Variants in BLTP1 observed in about 807,000 individuals in gnomAD.
BLTP1 encodes the protein bridge-like lipid transfer protein family member 1.
the BLTP1 span, among the ~76,000 whole-genome samples, chr4:122,169,098 C>T: frequency 5.3e-5 from 8 of 152,136 alleles, no homozygotes; most frequent in Non-Finnish European, 5.9e-5. Flanking sequence ...CAGGTGCACA[C>T]CACCATGCCT....
At chr4:122,165,696 A>C in the BLTP1 span, among the ~76,000 whole-genome samples, 1 of 128,526 alleles carries the variant, frequency 7.8e-6, no homozygotes, top group Non-Finnish European at 1.7e-5. Flanking sequence ...CCAACAGTGT[A>C]AAAGTGTTCC....
At chr4:122,354,166 T>C in the BLTP1 span, 1 of 669,946 alleles carries the variant, frequency 1.5e-6, no homozygotes, top group African/African-American at 1.8e-5. Context: ...GTAATAATTA[T>C]TTAATACCAC....
chr4:122,175,930 T>G, the BLTP1 span: 53 of 1,155,956 alleles, frequency 4.6e-5, no homozygotes, highest in Non-Finnish European at 6.5e-5. Context: ...TTTTCATTTT[T>G]TATGTGTTTA....
the BLTP1 span, chr4:122,226,647 A>G: frequency 8.8e-6 from 14 of 1,596,490 alleles, no homozygotes; most frequent in Non-Finnish European, 1.1e-5. Flanking sequence ...AAGCTTTTGA[A>G]CTCTAAACCC....
chr4:122,210,537 T>C, the BLTP1 span, among the ~76,000 whole-genome samples: 5 of 152,148 alleles, frequency 3.3e-5, no homozygotes, highest in Non-Finnish European at 5.9e-5. Context: ...GCTATTTATA[T>C]GAAAAAATTT....
chr4:122,270,294 A>G, the BLTP1 span: 6 of 944,264 alleles, frequency 6.4e-6, no homozygotes, highest in Non-Finnish European at 7.6e-6. Context: ...TGTTACAGAA[A>G]AAACTCCCAT....
the BLTP1 span, chr4:122,229,662 A>C: frequency 1.1e-6 from 1 of 919,386 alleles, no homozygotes; most frequent in African/African-American, 1.8e-5. Context: ...CTATTTCATT[A>C]TTTACTTCTC....
the BLTP1 span, chr4:122,341,839 T>G: frequency 2.0e-6 from 2 of 985,056 alleles, no homozygotes; most frequent in Non-Finnish European, 1.2e-6. Context: ...CAAACAAGTT[T>G]ATTTTAAATG....
At chr4:122,207,597 G>T in the BLTP1 span, 23 of 1,609,500 alleles carry the variant, frequency 1.4e-5, no homozygotes, top group East Asian at 2.2e-5. Context: ...GCCTTTTACG[G>T]ACTTTGTTCC....
At chr4:122,359,604 C>G in the BLTP1 span, 1 of 1,612,156 alleles carries the variant, frequency 6.2e-7, no homozygotes, top group Non-Finnish European at 8.5e-7. Context: ...ACAAAAAAGT[C>G]CAATTATTAT....
chr4:122,196,834 T>A, the BLTP1 span: 1 of 1,134,842 alleles, frequency 8.8e-7, no homozygotes, highest in South Asian at 2.0e-5. Context: ...ATTTAAAATT[T>A]TGACATTATT....
the BLTP1 span, among the ~76,000 whole-genome samples, chr4:122,296,053 T>C: frequency 1.1e-3 from 171 of 152,308 alleles, 1 homozygote; most frequent in Non-Finnish European, 1.9e-4. Flanking sequence ...TTCACCACTC[T>C]TATTCAACAT....
At chr4:122,207,446 A>C in the BLTP1 span, 1 of 1,468,342 alleles carries the variant, frequency 6.8e-7, no homozygotes, top group Non-Finnish European at 9.0e-7. Context: ...AATTTTGTTT[A>C]GTTGTGCATT....
the BLTP1 span, among the ~76,000 whole-genome samples, chr4:122,265,263 C>A: frequency 1.3e-5 from 2 of 152,174 alleles, no homozygotes; most frequent in African/African-American, 4.8e-5. Context: ...ATACATACAT[C>A]CTTCTGTATA....
the BLTP1 span, chr4:122,227,058 A>G: frequency 7.0e-4 from 391 of 554,678 alleles, no homozygotes; most frequent in African/African-American, 7.6e-3. Flanking sequence ...CAGAATTATA[A>G]AAATTATATT....
the BLTP1 span, among the ~76,000 whole-genome samples, chr4:122,352,304 A>T: frequency 6.6e-6 from 1 of 152,058 alleles, no homozygotes; most frequent in Non-Finnish European, 1.5e-5. Context: ...AATTCCATGC[A>T]AGTACTTTGT....
the BLTP1 span, among the ~76,000 whole-genome samples, chr4:122,326,940 A>G: frequency 6.6e-6 from 1 of 151,740 alleles, no homozygotes; most frequent in Non-Finnish European, 1.5e-5. Flanking sequence ...TGAAATTTTC[A>G]ATGTAGGACT....
chr4:122,271,785 C>A, the BLTP1 span: 1 of 1,085,692 alleles, frequency 9.2e-7, no homozygotes, highest in Non-Finnish European at 1.3e-6. Flanking sequence ...ACCAAAGAAG[C>A]AGAAGACTGT....
chr4:122,269,180 A>G, the BLTP1 span: 2 of 484,184 alleles, frequency 4.1e-6, no homozygotes, highest in Non-Finnish European at 5.4e-6. Context: ...AAATATGTTT[A>G]TATGTATACA....
Sources: allele counts gnomAD v4.1 joint callset (sites outside exome capture counted in the v4.1 genomes callset), GRCh38; gene constraint gnomAD v4.1.1; transcripts MANE v1.5; gene names NCBI Gene and HGNC (gene_info 2026-07-23, HGNC 2026-07-21).